Variants in CFAP61 observed in about 807,000 individuals in gnomAD.
CFAP61 encodes cilia and flagella associated protein 61, also known as cilia- and flagella-associated protein 61.
Under a neutral mutation model 135.6 loss-of-function variants are expected in CFAP61, and 107 were observed. The ratio of observed to expected loss-of-function variants is 0.79; its 90% CI spans 0.67 to 0.93. The LOEUF is 0.93. CFAP61 is among the 40% of genes least tolerant of loss of function. The pLI is 0.00. For missense variants in CFAP61, 1,507 were observed against 1,556.2 expected (o/e 0.97, Z 0.53); for synonymous variants, 575 against 578.5 (o/e 0.99, Z 0.09).
At chr20:20,231,667 G>A (rs140831523) in intron 18 of CFAP61, among the ~76,000 whole-genome samples, 13 of 152,278 alleles carry the variant, frequency 8.5e-5, no homozygotes, top group African/African-American at 2.9e-4. Context: ...CTTCTTTCCT[G>A]TCACCTGCCC....
At chr20:20,191,911 A>G (rs2055949582) in intron 15 of CFAP61, among the ~76,000 whole-genome samples, 1 of 152,006 alleles carries the variant, frequency 6.6e-6, no homozygotes, top group African/African-American at 2.4e-5. Context: ...TGCTGCTTTT[A>G]CATTTATTAA....
At chr20:20,173,631 T>C (rs113971281) in intron 13 of CFAP61, among the ~76,000 whole-genome samples, 19 of 152,252 alleles carry the variant, frequency 1.2e-4, no homozygotes, top group Admixed American at 1.0e-3. Flanking sequence ...TTTTTAAAAA[T>C]CAGTGGGTGT....
chr20:20,247,007 TATG>T (rs1335226643), intron 19 of CFAP61, among the ~76,000 whole-genome samples: 5 of 152,204 alleles, frequency 3.3e-5, no homozygotes, highest in African/African-American at 4.8e-5. Context: ...AGGATGTCCT[TATG>T]ATACAAAAAA....
Position 20,246,208 on chromosome 20 carries a change from G to T in CFAP61, c.2152G>T (p.Ala718Ser). 6.2e-7 allele frequency: 1 copy of T among 1,607,316 alleles called. No individual in the cohort carries two copies. Among genetic ancestry groups the T allele is most frequent in the Non-Finnish European group, 8.5e-7 (1 of 1,173,874 alleles). The change falls in exon 19 of 27, where the codon GCC (alanine) becomes TCC (serine). Residue 718 changes from alanine to serine, a missense_variant. Coordinates refer to ENST00000245957, the MANE Select transcript of CFAP61 (RefSeq NM_015585.4). ...GGACACTGAACAAAGGAAATTTTTA[G>T]CCAGCGAGTATGAATTGTATTTGCT... Reference protein sequence around the residue: ...LLDTEQRKFLASDHCFNDKDY... With the variant: ...LLDTEQRKFLSSDHCFNDKDY...
chr20:20,249,252 G>T (rs1336860855), intron 19 of CFAP61, among the ~76,000 whole-genome samples: 4 of 152,130 alleles, frequency 2.6e-5, no homozygotes, highest in Non-Finnish European at 5.9e-5. Context: ...CTTATACAAT[G>T]ATATTTTAAA....
chr20:20,238,583 C>A (rs548557917), intron 18 of CFAP61, among the ~76,000 whole-genome samples: 1 of 152,218 alleles, frequency 6.6e-6, no homozygotes, highest in African/African-American at 2.4e-5. Context: ...ACAGCACACA[C>A]AAAATCAGCT....
rs189061309 is a variant in CFAP61, at chr20:20,190,458, C to T, written c.1513-884C>T. 3.9e-3 allele frequency among the ~76,000 whole-genome samples: 580 copies of T among 150,636 alleles called. 1 individual carries two copies. The highest frequency in any genetic ancestry group is 4.7e-3 in the African/African-American group (195 of 41,214). On this transcript the variant is annotated intron_variant, in intron 14 of 26. Transcript: ENST00000245957. ...TATCTGATGCCAGAGGTTAAGGATG[C>T]GGGGAGGGTGGGGACAGAGGGGGCA...
At chr20:20,349,153 C>T (rs1412995465) in intron 26 of CFAP61, among the ~76,000 whole-genome samples, 1 of 152,218 alleles carries the variant, frequency 6.6e-6, no homozygotes, top group African/African-American at 2.4e-5. Flanking sequence ...GAAACCAACA[C>T]ACAATAATCC....
chr20:20,076,175 G>T (rs1025808471), intron 6 of CFAP61, among the ~76,000 whole-genome samples: 1 of 152,144 alleles, frequency 6.6e-6, no homozygotes, highest in Non-Finnish European at 1.5e-5. Context: ...TGGGCGCTCC[G>T]TCCTCTCTTC....
intron 9 of CFAP61, among the ~76,000 whole-genome samples, chr20:20,155,610 A>G (rs1271737318): frequency 6.6e-6 from 1 of 152,190 alleles, no homozygotes; most frequent in Admixed American, 6.5e-5. Flanking sequence ...TGGGCAAAGG[A>G]CATGAATAGA....
At chr20:20,356,541 G>A (rs74196032) in intron 26 of CFAP61, among the ~76,000 whole-genome samples, 154 of 81,524 alleles carry the variant, frequency 1.9e-3, no homozygotes, top group Non-Finnish European at 2.1e-3. Context: ...GTGAGGGGAG[G>A]TGGTCACACT....
intron 21 of CFAP61, among the ~76,000 whole-genome samples, chr20:20,263,435 A>C (rs2052432336): frequency 6.6e-6 from 1 of 152,210 alleles, no homozygotes; most frequent in Non-Finnish European, 1.5e-5. Context: ...AGAATAATTT[A>C]ATAAGCAAAC....
At chr20:20,215,595 A>G (rs1431342782) in intron 17 of CFAP61, among the ~76,000 whole-genome samples, 1 of 152,246 alleles carries the variant, frequency 6.6e-6, no homozygotes, top group African/African-American at 2.4e-5. Flanking sequence ...AAGTTAAAAT[A>G]GTTTAATTGC....
intron 17 of CFAP61, among the ~76,000 whole-genome samples, chr20:20,211,228 G>A (rs760618400): frequency 1.1e-4 from 17 of 152,156 alleles, no homozygotes; most frequent in South Asian, 4.1e-4. Flanking sequence ...CTGGTTAGCC[G>A]GGGGCGCGGT....
At chr20:20,242,269 C>T (rs1015138153) in intron 18 of CFAP61, among the ~76,000 whole-genome samples, 2 of 152,044 alleles carry the variant, frequency 1.3e-5, no homozygotes, top group African/African-American at 4.8e-5. Flanking sequence ...GAGGTGTGAA[C>T]TAAGAAGAGA....
chr20:20,289,896 A>G (rs2054877422), intron 23 of CFAP61, among the ~76,000 whole-genome samples: 1 of 152,248 alleles, frequency 6.6e-6, no homozygotes, highest in Non-Finnish European at 1.5e-5. Flanking sequence ...GATAGTCCTA[A>G]TTAAATTCAA....
At chr20:20,298,484 G>T in intron 25 of CFAP61, 98 bp downstream of exon 25, 3 of 989,762 alleles carry the variant, frequency 3.0e-6, no homozygotes, top group South Asian at 3.0e-5. Context: ...AGAGCAAAAC[G>T]GGAATCCCAG....
At chr20:20,237,450 G>C (rs1184671968) in intron 18 of CFAP61, among the ~76,000 whole-genome samples, 1 of 152,202 alleles carries the variant, frequency 6.6e-6, no homozygotes, top group Non-Finnish European at 1.5e-5. Context: ...GGGTCAGGGA[G>C]AGAGCTTGTA....
At chr20:20,141,380 G>C (rs2051389207) in intron 8 of CFAP61, among the ~76,000 whole-genome samples, 1 of 152,208 alleles carries the variant, frequency 6.6e-6, no homozygotes, top group African/African-American at 2.4e-5. Flanking sequence ...AGAAACCCCA[G>C]ATAGTCTTAT....
Sources: gnomAD v4.1 joint callset for allele counts (sites outside exome capture counted in the v4.1 genomes callset) on GRCh38, gnomAD v4.1.1 for gene constraint, MANE v1.5 for transcripts, NCBI Gene and HGNC (gene_info 2026-07-23, HGNC 2026-07-21) for gene names.